Variants in TUBGCP5 observed in about 807,000 individuals in gnomAD.
TUBGCP5 encodes the protein tubulin gamma complex component 5.
Under a neutral mutation model 134.7 loss-of-function variants are expected in TUBGCP5, and 98 were observed. The ratio of observed to expected loss-of-function variants is 0.73; its 90% CI spans 0.62 to 0.86. TUBGCP5 has a LOEUF of 0.86. Ranked by LOEUF, TUBGCP5 falls within the 40% of genes least tolerant of loss-of-function variation. The pLI is 0.00. For missense variants in TUBGCP5, 1,150 were observed against 1,244.8 expected, an observed-to-expected ratio of 0.92 and a Z score of 1.15; for synonymous variants, 456 against 431.4, an observed-to-expected ratio of 1.06 and a Z score of -0.71.
intron 20 of TUBGCP5, 31 bp from the exon 21 acceptor site, chr15:23,003,184 T>G: frequency 6.2e-7 from 1 of 1,605,070 alleles, no homozygotes; most frequent in East Asian, 2.2e-5. Flanking sequence ...ACACAAACTG[T>G]GTAACTAGGT....
At chr15:23,035,589 T>G (rs987240764) in intron 3 of TUBGCP5, among the ~76,000 whole-genome samples, 4 of 152,150 alleles carry the variant, frequency 2.6e-5, no homozygotes, top group Non-Finnish European at 5.9e-5. Flanking sequence ...ACCGCTGATC[T>G]GACAGGAGGT....
intron 11 of TUBGCP5, among the ~76,000 whole-genome samples, chr15:23,020,579 C>G (rs1174011942): frequency 2.4e-5 from 2 of 83,216 alleles, no homozygotes; most frequent in Non-Finnish European, 4.2e-5. Context: ...AGCAAGACTA[C>G]GTCTCAAAAA....
At chr15:23,006,579 TAA>T (rs1428917648) in intron 16 of TUBGCP5, among the ~76,000 whole-genome samples, 2 of 152,118 alleles carry the variant, frequency 1.3e-5, no homozygotes, top group Non-Finnish European at 2.9e-5. Flanking sequence ...TGAGTTTAGT[TAA>T]AGAGACACTT....
At chr15:23,031,409 T>G (rs1045344400) in intron 5 of TUBGCP5, among the ~76,000 whole-genome samples, 1 of 151,988 alleles carries the variant, frequency 6.6e-6, no homozygotes, top group Non-Finnish European at 1.5e-5. Flanking sequence ...CTCCACCTCC[T>G]GTGTTCAAGA....
At position 23,013,600 on chromosome 15, in the gene TUBGCP5, C is replaced by A. The variant is rs1481396624; in HGVS notation, c.1757-2269G>T. Among the ~76,000 whole-genome samples, 1 of 152,184 alleles carries A rather than the reference C, an allele frequency of 6.6e-6. No homozygotes were observed. Among genetic ancestry groups the A allele is most frequent in the Non-Finnish European group, 1.5e-5 (1 of 68,024 alleles). ...CAGGCTGGTCTGGAGTCAAGAAGGA[C>A]TTCCCATTGTAGGGTAAGGGTAAGC... On this transcript the variant is annotated intron_variant, in intron 13 of 22. Coordinates refer to ENST00000615383, the MANE Select transcript of TUBGCP5 (RefSeq NM_052903.6). This position sits in a 1 kb window ranked among gnomAD's most constrained non-coding sequence, Gnocchi z 4.5.
Position 22,993,525 on chromosome 15 carries a change from GTTTTTTTTTTTTTTTT to G in TUBGCP5, c.*61+3304_*61+3319del, listed in dbSNP as rs71414252. ...TAATCCTCCCACCTCAGCCCCCGAA[GTTTTTTTTTTTTTTTT>G]TTTTTTTTTTTTTTTTAATATGAGA... On this transcript the variant is annotated intron_variant and NMD_transcript_variant, in intron 23 of 23. Coordinates refer to the TUBGCP5 transcript ENST00000614508. 1.4e-4 allele frequency among the ~76,000 whole-genome samples: 10 copies of G among 69,288 alleles called. No homozygotes were observed. The South Asian group carries it at 2.0e-3, about 14-fold the overall frequency. The allele number at this position is 69,288 out of a possible 152,430, so 45.5% of individuals were successfully genotyped here.
chr15:23,006,359 A>G lies in TUBGCP5; in HGVS notation c.2328-7T>C, dbSNP rs2064715535. 1 of 1,586,348 alleles carries G rather than the reference A, an allele frequency of 6.3e-7. No homozygotes were observed. Among genetic ancestry groups the G allele is most frequent in the African/African-American group, 1.4e-5 (1 of 73,502 alleles). On this transcript the variant is annotated splice_region_variant and splice_polypyrimidine_tract_variant and intron_variant, in intron 16 of 22. Transcript: ENST00000615383. ...TTCAAAAGATATAGATAGACTAAAG[A>G]AAGAAATTCCAGTTTTAGTTTGTGA...
intron 23 of TUBGCP5, among the ~76,000 whole-genome samples, chr15:22,988,608 T>A (rs139200333): frequency 6.6e-6 from 1 of 150,892 alleles, no homozygotes; most frequent in Non-Finnish European, 1.5e-5. Flanking sequence ...TGGTGGTGGG[T>A]GCCTGTAGTC....
At chr15:23,029,045 T>C (rs1042828470) in intron 6 of TUBGCP5, among the ~76,000 whole-genome samples, 2 of 152,034 alleles carry the variant, frequency 1.3e-5, no homozygotes, top group Non-Finnish European at 2.9e-5. Context: ...AACTATAACA[T>C]ATGTAGAAAT....
intron 11 of TUBGCP5, 36 bp downstream of exon 11, chr15:23,021,923 A>G (rs764492362): frequency 1.9e-6 from 3 of 1,587,840 alleles, no homozygotes; most frequent in East Asian, 2.2e-5. Context: ...GCTGTGCAGC[A>G]TGGAGTCACA....
At chr15:22,986,147 A>AAAAT (rs1555430356) in intron 23 of TUBGCP5, among the ~76,000 whole-genome samples, 2,933 of 132,618 alleles carry the variant, frequency 0.022, 60 homozygotes, top group Non-Finnish European at 0.027. Context: ...AAAAAAAAAA[A>AAAAT]AATAATAATA....
intron 13 of TUBGCP5, among the ~76,000 whole-genome samples, chr15:23,016,235 G>C (rs999896866): frequency 3.3e-5 from 5 of 152,226 alleles, no homozygotes; most frequent in African/African-American, 1.2e-4. Flanking sequence ...GCTCACGCCT[G>C]TAATCCCAGC....
intron 16 of TUBGCP5, 199 bp downstream of exon 16, chr15:23,008,500 C>G (rs1388438524): frequency 1.5e-6 from 1 of 650,764 alleles, no homozygotes; most frequent in Non-Finnish European, 2.7e-6. Context: ...CTCAGGTGAT[C>G]CACCGCCTCT....
intron 3 of TUBGCP5, 124 bp from the exon 4 acceptor site, chr15:23,032,948 G>T: frequency 1.7e-6 from 1 of 585,810 alleles, no homozygotes; most frequent in Non-Finnish European, 2.8e-6. Flanking sequence ...GAAAACATGA[G>T]TTATACCTAA....
chr15:23,008,411 C>T lies in TUBGCP5; in HGVS notation c.2327+288G>A, dbSNP rs190152812. The stretch of plus-strand genomic sequence containing the variant: ...CCTCCCAAATAGCCAGGATTACAGG[C>T]GCCTGCCACCATGCTTTTTGTATTT... On this transcript the variant is annotated intron_variant, in intron 16 of 22. Transcript: ENST00000615383. 170 of 377,576 alleles carry T rather than the reference C, an allele frequency of 4.5e-4. No homozygotes were observed. The East Asian group carries it at 7.6e-3, about 17-fold the overall frequency. The allele number at this position is 377,576 out of a possible 1,614,324, so 23.4% of individuals were successfully genotyped here. A position where few individuals can be genotyped will look rare whatever the true frequency, so the allele number is the denominator to read the frequency against.
Position 22,985,364 on chromosome 15 carries a change from A to T in TUBGCP5, c.*62-1753T>A, listed in dbSNP as rs539934039. 2.3e-4 allele frequency among the ~76,000 whole-genome samples: 34 copies of T among 144,994 alleles called. No individual in the cohort carries two copies. The South Asian group carries it at 7.3e-3, about 31-fold the overall frequency. On this transcript the variant is annotated intron_variant and NMD_transcript_variant, in intron 23 of 23. Transcript: ENST00000614508. ...CTTCCGAGTAGCTGGGATTACAGGC[A>T]TGCGCCACCACTCCTGGCTAATTTT...
At chr15:23,032,638 A>G in intron 4 of TUBGCP5, 90 bp downstream of exon 4, 1 of 852,466 alleles carries the variant, frequency 1.2e-6, no homozygotes, top group Non-Finnish European at 1.7e-6. Flanking sequence ...ACAGATTTTT[A>G]GAAGTTTCAA....
In TUBGCP5 at chr15:23,002,810, T is replaced by TA. The variant is rs146533457; in HGVS notation, c.2927+254dup. Among the ~76,000 whole-genome samples, 856 of 152,086 alleles carry TA rather than the reference T, an allele frequency of 5.6e-3. 51 individuals are homozygous for TA. In the East Asian group the frequency reaches 0.12, roughly 22 times the overall value. On this transcript the variant is annotated intron_variant, in intron 21 of 22. Transcript: ENST00000615383. ...TACACAATATAACATGAGTATAATC[T>TA]AAAAATGTTTGCTTGTTTAAATCAG...
At chr15:23,033,745 A>G (rs1417116191) in intron 3 of TUBGCP5, among the ~76,000 whole-genome samples, 1 of 152,204 alleles carries the variant, frequency 6.6e-6, no homozygotes, top group Non-Finnish European at 1.5e-5. Flanking sequence ...CACACCTTTT[A>G]TTAATCAGAT....
Sources: allele counts gnomAD v4.1 joint callset (sites outside exome capture counted in the v4.1 genomes callset), GRCh38; gene constraint gnomAD v4.1.1; non-coding constraint Gnocchi (gnomAD v3.1); transcripts MANE v1.5; gene names NCBI Gene and HGNC (gene_info 2026-07-23, HGNC 2026-07-21).